Variants in FRYL observed in about 807,000 individuals in gnomAD.
FRYL encodes protein furry homolog-like.
Under a neutral mutation model 351.2 loss-of-function variants are expected in FRYL, and 150 were observed. That is an observed-to-expected ratio of 0.43 (90% CI 0.37 to 0.49). The LOEUF (loss-of-function observed/expected upper bound fraction) is 0.49, where lower values mean the gene tolerates loss of function less well. FRYL is among the 20% of genes least tolerant of loss of function. The probability of loss-of-function intolerance (pLI) is 0.00; values close to 1 mark genes in which losing one functional copy is unlikely to be tolerated. For missense variants in FRYL, 3,036 were observed against 3,619.3 expected (o/e 0.84, Z 4.13); for synonymous variants, 1,153 against 1,257.1 (o/e 0.92, Z 1.75).
intron 3 of FRYL, among the ~76,000 whole-genome samples, chr4:48,641,457 A>C (rs1234803117): frequency 1.3e-5 from 2 of 152,170 alleles, no homozygotes; most frequent in Non-Finnish European, 2.9e-5. Context: ...TTAAAAACAA[A>C]AGAAAACAAA....
chr4:48,634,238 G>A, intron 4 of FRYL, 53 bp downstream of exon 4: 1 of 1,288,852 alleles, frequency 7.8e-7, no homozygotes, highest in East Asian at 2.3e-5. Context: ...CATTATAGTG[G>A]TTAATACAAA....
chr4:48,700,123 C>T (rs532134025), intron 2 of FRYL, among the ~76,000 whole-genome samples: 15 of 152,188 alleles, frequency 9.9e-5, no homozygotes, highest in Non-Finnish European at 1.5e-4. Flanking sequence ...TGTGGTGTGA[C>T]TCACCCAGCT....
intron 1 of FRYL, among the ~76,000 whole-genome samples, chr4:48,711,832 T>A (rs1768088295): frequency 6.6e-6 from 1 of 152,196 alleles, no homozygotes; most frequent in African/African-American, 2.4e-5. Context: ...AGGGGCAGAC[T>A]GACACCTCAC....
Position 48,612,312 on chromosome 4 carries a change from C to T in FRYL, c.412-2489G>A, listed in dbSNP as rs139295286. Reference sequence around the variant, plus strand: ...GGCATCCATGTGCATTCGTAATAAACCTTTTGACCCTGGTAATCTTTCTCT... The same window carrying T: ...GGCATCCATGTGCATTCGTAATAAATCTTTTGACCCTGGTAATCTTTCTCT... On this transcript the variant is annotated intron_variant, in intron 7 of 63. Coordinates refer to ENST00000358350, the MANE Select transcript of FRYL (RefSeq NM_015030.2). Among the ~76,000 whole-genome samples, 138 of 152,084 alleles carry T rather than the reference C, an allele frequency of 9.1e-4. 1 individual carries two copies. Among genetic ancestry groups the T allele is most frequent in the African/African-American group, 3.1e-3 (128 of 41,506 alleles).
At chr4:48,551,105 C>T (rs763284940) in intron 37 of FRYL, among the ~76,000 whole-genome samples, 3 of 150,720 alleles carry the variant, frequency 2.0e-5, no homozygotes, top group Non-Finnish European at 4.4e-5. Context: ...AAAATACTAA[C>T]AAAAGTTTAC....
chr4:48,646,012 G>A (rs1756392980), intron 3 of FRYL: 1 of 151,958 alleles, frequency 6.6e-6, no homozygotes, highest in Admixed American at 6.6e-5. Context: ...CTTCCATATA[G>A]TCTCCCTATA....
intron 37 of FRYL, 92 bp from the exon 38 acceptor site, chr4:48,550,796 G>A (rs1732543147): frequency 7.3e-6 from 7 of 952,956 alleles, no homozygotes; most frequent in South Asian, 1.4e-5. Flanking sequence ...AAAGGAGGAC[G>A]GACGCCATGG....
chr4:48,712,788 A>C (rs1768252472), intron 1 of FRYL, among the ~76,000 whole-genome samples: 1 of 152,228 alleles, frequency 6.6e-6, no homozygotes, highest in Admixed American at 6.5e-5. Context: ...CAGATTCACC[A>C]AAGTTGAAAT....
intron 1 of FRYL, among the ~76,000 whole-genome samples, chr4:48,724,152 A>T (rs543925223): frequency 6.6e-5 from 10 of 152,122 alleles, no homozygotes; most frequent in East Asian, 5.8e-4. Flanking sequence ...AATTAAAATT[A>T]AAATTTAAAA....
intron 3 of FRYL, among the ~76,000 whole-genome samples, chr4:48,650,704 G>GA (rs1757441455): frequency 6.6e-6 from 1 of 152,158 alleles, no homozygotes; most frequent in Non-Finnish European, 1.5e-5. Context: ...ACAGGAGACA[G>GA]AAAATCTGTG....
At chr4:48,596,643 T>G (rs183045148) in intron 13 of FRYL, among the ~76,000 whole-genome samples, 1 of 152,216 alleles carries the variant, frequency 6.6e-6, no homozygotes, top group African/African-American at 2.4e-5. Flanking sequence ...GTAAAGCACT[T>G]GGAACAGTAC....
At chr4:48,586,849 T>G in intron 18 of FRYL, 121 bp from the exon 19 acceptor site, 1 of 603,310 alleles carries the variant, frequency 1.7e-6, no homozygotes, top group Non-Finnish European at 2.9e-6. Context: ...TATTTAATAT[T>G]TTAAAAATGC....
In FRYL at chr4:48,567,242, TAA is replaced by T. The variant is rs1560621180; in HGVS notation, c.3169+4_3169+5del. On this transcript the variant is annotated splice_donor_5th_base_variant and intron_variant, in intron 28 of 63. Transcript: ENST00000358350. This position sits in a 1 kb window ranked among gnomAD's most constrained non-coding sequence, Gnocchi z 4.2. The stretch of plus-strand genomic sequence containing the variant: ...CAATAATGCTTTAAGAAACTGAAAA[TAA>T]TACCTGGAACATTCTGAATAATATT... 4 of 1,599,422 alleles carry T rather than the reference TAA, an allele frequency of 2.5e-6. No individual in the cohort carries two copies. In the South Asian group the frequency reaches 4.6e-5, roughly 18 times the overall value.
At chr4:48,661,965 C>T (rs1760820337) in intron 3 of FRYL, among the ~76,000 whole-genome samples, 1 of 152,060 alleles carries the variant, frequency 6.6e-6, no homozygotes, top group Non-Finnish European at 1.5e-5. Flanking sequence ...GGATAAGATG[C>T]TGCCAAAGAA....
chr4:48,571,006 G>A, intron 26 of FRYL, 88 bp from the exon 27 acceptor site: 1 of 1,040,696 alleles, frequency 9.6e-7, no homozygotes, highest in Non-Finnish European at 1.5e-6. Flanking sequence ...GAGGTTCTGG[G>A]CTCATTGAAG....
Position 48,580,851 on chromosome 4 carries a change from G to T in FRYL, c.2259+14C>A. On this transcript the variant is annotated intron_variant, in intron 22 of 63. Coordinates refer to ENST00000358350, the MANE Select transcript of FRYL (RefSeq NM_015030.2). ...TCAAAACAAGATTGGGTAGAATGAA[G>T]TCACTATAGTTACCTGATCAGCCCC... is the stretch of plus-strand genomic sequence containing the variant. The T allele has an allele frequency of 6.4e-7, 1 of 1,559,702 alleles. No homozygotes were observed. Among genetic ancestry groups the T allele is most frequent in the Non-Finnish European group, 8.8e-7 (1 of 1,132,338 alleles).
At chr4:48,573,104 TA>T (rs1253365744) in intron 26 of FRYL, 81 bp downstream of exon 26, 1 of 1,060,474 alleles carries the variant, frequency 9.4e-7, no homozygotes, top group Non-Finnish European at 1.4e-6. Context: ...ATAGTCTTCG[TA>T]ATTTCTAACT....
chr4:48,605,575 C>G (rs1477611508), intron 11 of FRYL, among the ~76,000 whole-genome samples, 166 bp downstream of exon 11: 1 of 152,084 alleles, frequency 6.6e-6, no homozygotes, highest in Non-Finnish European at 1.5e-5. Flanking sequence ...ATTGTATGAT[C>G]AACAAAAGGA....
At chr4:48,676,083 C>T (rs1157818589) in intron 3 of FRYL, among the ~76,000 whole-genome samples, 9 of 152,124 alleles carry the variant, frequency 5.9e-5, no homozygotes, top group South Asian at 2.1e-4. Flanking sequence ...CCAATCAACA[C>T]GGTGTCAAAA....
Sources: allele counts gnomAD v4.1 joint callset (sites outside exome capture counted in the v4.1 genomes callset), GRCh38; gene constraint gnomAD v4.1.1; non-coding constraint Gnocchi (gnomAD v3.1); transcripts MANE v1.5; gene names NCBI Gene and HGNC (gene_info 2026-07-23, HGNC 2026-07-21).